The following KCNC2 variants were observed in gnomAD, a reference collection of about 807,000 sequenced individuals.
KCNC2 encodes voltage-gated potassium channel KCNC2.
KCNC2 carries 21 observed loss-of-function variants against 44.5 expected under a neutral mutation model. That is an observed-to-expected ratio of 0.47 (90% confidence interval 0.33 to 0.68). The LOEUF (loss-of-function observed/expected upper bound fraction) is 0.68. Ranked by LOEUF, KCNC2 falls within the 30% of genes least tolerant of loss-of-function variation. The pLI is 0.01. For missense variants in KCNC2, 589 were observed against 826.2 expected (o/e 0.71, Z 3.52); for synonymous variants, 391 against 339.1 (o/e 1.15, Z -1.68).
chr12:75,094,854 C>G (rs1156575457), intron 2 of KCNC2, among the ~76,000 whole-genome samples: 1 of 151,702 alleles, frequency 6.6e-6, no homozygotes, highest in Admixed American at 6.6e-5. Context: ...ACTCAAATCC[C>G]TCCTGCAAAG....
intron 2 of KCNC2, among the ~76,000 whole-genome samples, chr12:75,084,076 A>G (rs1305881485): frequency 1.3e-5 from 2 of 151,984 alleles, no homozygotes; most frequent in African/African-American, 4.8e-5. Context: ...AGTATTCTAG[A>G]ATTAAACTAC....
intron 2 of KCNC2, among the ~76,000 whole-genome samples, chr12:75,074,878 A>G (rs935003179): frequency 6.6e-6 from 1 of 152,216 alleles, no homozygotes; most frequent in African/African-American, 2.4e-5. Flanking sequence ...CAATGTGCCT[A>G]TGAAAACACA....
In KCNC2 at chr12:75,050,418, G is replaced by A. The variant is rs1313807925; in HGVS notation, c.1587C>T (p.Asp529=). ...STQSDTCLGK[D]NRLLEHNRSV... is the part of the protein sequence containing the mutation. ...ATCTGTTATGTTCCAGAAGTCGATTGTCTTTGCCCAGACATGTGTCACTCT... is the reference window on the plus strand; with the variant it reads ...ATCTGTTATGTTCCAGAAGTCGATTATCTTTGCCCAGACATGTGTCACTCT... The change falls in exon 3 of 5, where the codon GAC becomes GAT. Residue 529 remains aspartate (D), a synonymous_variant. Coordinates refer to ENST00000549446, the MANE Select transcript of KCNC2 (RefSeq NM_139137.4). 2 of 1,612,610 alleles carry A rather than the reference G, an allele frequency of 1.2e-6. No homozygotes were observed. The highest frequency in any genetic ancestry group is 1.1e-5 in the South Asian group (1 of 90,932).
intron 2 of KCNC2, among the ~76,000 whole-genome samples, chr12:75,167,291 T>C (rs1284280142): frequency 6.6e-6 from 1 of 151,338 alleles, no homozygotes; most frequent in Non-Finnish European, 1.5e-5. Flanking sequence ...TTCTATCTAA[T>C]GACAAGTGTG....
chr12:75,201,435 A>C (rs1231572148), intron 2 of KCNC2, among the ~76,000 whole-genome samples: 1 of 151,750 alleles, frequency 6.6e-6, no homozygotes, highest in Non-Finnish European at 1.5e-5. Context: ...TTAGAGCTGA[A>C]GTTTAGATAC....
chr12:75,084,976 A>G (rs1474350140), intron 2 of KCNC2, among the ~76,000 whole-genome samples: 5 of 151,044 alleles, frequency 3.3e-5, no homozygotes, highest in Non-Finnish European at 7.4e-5. Context: ...CAAAGAGATC[A>G]GTTAAAAATG....
At chr12:75,140,420 C>T (rs1446407978) in intron 2 of KCNC2, among the ~76,000 whole-genome samples, 1 of 151,736 alleles carries the variant, frequency 6.6e-6, no homozygotes, top group Non-Finnish European at 1.5e-5. Flanking sequence ...TTGTAAATGG[C>T]AAAGAATCAT....
chr12:75,139,318 A>G (rs1889474824), intron 2 of KCNC2, among the ~76,000 whole-genome samples: 1 of 152,224 alleles, frequency 6.6e-6, no homozygotes. Context: ...GTGAAAAAGA[A>G]TAAAACATGA....
chr12:75,091,729 T>C (rs1163159900), intron 2 of KCNC2, among the ~76,000 whole-genome samples: 1 of 151,470 alleles, frequency 6.6e-6, no homozygotes, highest in Non-Finnish European at 1.5e-5. Flanking sequence ...TTCTCAAAAA[T>C]AACCTACAAA....
intron 4 of KCNC2, among the ~76,000 whole-genome samples, chr12:75,046,357 A>C (rs1880510737): frequency 6.6e-6 from 1 of 151,738 alleles, no homozygotes; most frequent in African/African-American, 2.4e-5. Flanking sequence ...AGTGCCTTAT[A>C]ATTTGCAAAG....
intron 2 of KCNC2, among the ~76,000 whole-genome samples, chr12:75,110,049 CAGA>C (rs1887104829): frequency 6.6e-6 from 1 of 151,550 alleles, no homozygotes; most frequent in Non-Finnish European, 1.5e-5. Context: ...AGGAAAAATA[CAGA>C]AGGTTTTATA....
At chr12:75,066,360 T>A (rs1882832582) in intron 2 of KCNC2, among the ~76,000 whole-genome samples, 2 of 152,174 alleles carry the variant, frequency 1.3e-5, no homozygotes, top group African/African-American at 4.8e-5. Context: ...ATACAGCAGG[T>A]CACTTATATA....
At chr12:75,170,581 G>A (rs1023984406) in intron 2 of KCNC2, among the ~76,000 whole-genome samples, 3 of 151,754 alleles carry the variant, frequency 2.0e-5, no homozygotes, top group African/African-American at 4.8e-5. Context: ...TTTAATTACA[G>A]TCCATATGTT....
chr12:75,144,651 T>C (rs1298112504), intron 2 of KCNC2, among the ~76,000 whole-genome samples: 2 of 151,990 alleles, frequency 1.3e-5, no homozygotes, highest in East Asian at 1.9e-4. Flanking sequence ...TATATATATA[T>C]ATGTACAACA....
chr12:75,103,147 C>A (rs1289907909), intron 2 of KCNC2, among the ~76,000 whole-genome samples: 2 of 152,098 alleles, frequency 1.3e-5, no homozygotes, highest in African/African-American at 4.8e-5. Context: ...AGATCTCCAA[C>A]TAAAGATAAT....
chr12:75,143,796 T>C (rs1320287562), intron 2 of KCNC2, among the ~76,000 whole-genome samples: 2 of 152,192 alleles, frequency 1.3e-5, no homozygotes, highest in Non-Finnish European at 2.9e-5. Context: ...GCAAAAATAA[T>C]AGAAAACCTT....
rs866349871 is a variant in KCNC2 at position 75,071,916 on chromosome 12, C to T, written c.688-20599G>A. Reference sequence around the variant, plus strand: ...TCACGCCACTGCACTCTAGCCTGGGCGACAGAGCGAGACTCCTTCTCAAAA... The same window carrying T: ...TCACGCCACTGCACTCTAGCCTGGGTGACAGAGCGAGACTCCTTCTCAAAA... On this transcript the variant is annotated intron_variant, in intron 2 of 4. Transcript: ENST00000549446. Among the ~76,000 whole-genome samples, 84 of 109,418 alleles carry T rather than the reference C, an allele frequency of 7.7e-4. No homozygotes were observed. The Middle Eastern group carries it at 0.027, about 35-fold the overall frequency. 71.8% of individuals were successfully genotyped at this position (109,418 alleles called of 152,430 possible).
chr12:75,182,354 C>T (rs986651486), intron 2 of KCNC2, among the ~76,000 whole-genome samples: 10 of 151,394 alleles, frequency 6.6e-5, no homozygotes, highest in Admixed American at 3.3e-4. Context: ...GAAACCCCAT[C>T]TCTACTAAAA....
chr12:75,083,017 T>G (rs1358915729), intron 2 of KCNC2, among the ~76,000 whole-genome samples: 2 of 151,468 alleles, frequency 1.3e-5, no homozygotes, highest in African/African-American at 2.4e-5. Flanking sequence ...GGAGATAGAA[T>G]GCATATTTAT....
Sources: allele counts gnomAD v4.1 joint callset (sites outside exome capture counted in the v4.1 genomes callset), GRCh38; gene constraint gnomAD v4.1.1; transcripts MANE v1.5; gene names NCBI Gene and HGNC (gene_info 2026-07-23, HGNC 2026-07-21).